LINGO2: variants seen among roughly 807,000 people sequenced by gnomAD.
The protein encoded by LINGO2 is leucine-rich repeat and immunoglobulin-like domain-containing nogo receptor-interacting protein 2.
LINGO2 carries 14 observed loss-of-function variants against 30.6 expected under a neutral mutation model. The observed-to-expected ratio is 0.46, with a 90% CI of 0.30 to 0.72. The LOEUF (loss-of-function observed/expected upper bound fraction) is 0.72, where lower values mean the gene tolerates loss of function less well. Ranked by LOEUF, LINGO2 falls within the 30% of genes least tolerant of loss-of-function variation. The pLI is 0.07. For synonymous variants in LINGO2, 317 were observed against 288.5 expected (o/e 1.10, Z -1.00); for missense variants, 729 against 751.7 (o/e 0.97, Z 0.35).
intron 4 of LINGO2, among the ~76,000 whole-genome samples, chr9:28,152,200 T>G (rs1293385698): frequency 6.6e-6 from 1 of 152,130 alleles, no homozygotes; most frequent in Non-Finnish European, 1.5e-5. Flanking sequence ...ATTAATAGAT[T>G]CATGCCCTCT....
the LINGO2 span, among the ~76,000 whole-genome samples, chr9:29,073,001 GCA>G: frequency 6.8e-6 from 1 of 146,950 alleles, no homozygotes; most frequent in African/African-American, 2.5e-5. Flanking sequence ...TCTCCCATGG[GCA>G]CACACACACC....
intron 3 of LINGO2, among the ~76,000 whole-genome samples, chr9:28,367,590 T>C (rs1435909952): frequency 2.0e-5 from 3 of 152,142 alleles, no homozygotes; most frequent in African/African-American, 7.2e-5. Context: ...GCTTTCAGGA[T>C]TGATACTGAG....
intron 1 of LINGO2, among the ~76,000 whole-genome samples, chr9:28,642,421 A>G (rs1827635725): frequency 6.6e-6 from 1 of 152,162 alleles, no homozygotes; most frequent in South Asian, 2.1e-4. Context: ...TTCGAGGATC[A>G]AAAATAGCAA....
At chr9:28,436,823 T>C (rs1823962568) in intron 2 of LINGO2, among the ~76,000 whole-genome samples, 1 of 152,054 alleles carries the variant, frequency 6.6e-6, no homozygotes, top group Non-Finnish European at 1.5e-5. Context: ...CAGTACTGCA[T>C]GGTAGCAAGA....
At chr9:27,967,957 CAT>C (rs1394305471) in intron 5 of LINGO2, among the ~76,000 whole-genome samples, 2 of 152,118 alleles carry the variant, frequency 1.3e-5, no homozygotes, top group African/African-American at 4.8e-5. Context: ...ACTGTAATAA[CAT>C]ATTTTTTGCC....
At chr9:28,628,568 G>T (rs533337224) in intron 1 of LINGO2, among the ~76,000 whole-genome samples, 1 of 152,068 alleles carries the variant, frequency 6.6e-6, no homozygotes, top group East Asian at 1.9e-4. Flanking sequence ...TTTTATTTTG[G>T]GGGCAAGAGG....
the LINGO2 span, among the ~76,000 whole-genome samples, chr9:28,891,588 T>G: frequency 3.3e-5 from 5 of 151,916 alleles, no homozygotes; most frequent in African/African-American, 1.2e-4. Flanking sequence ...GGGGTGAGTA[T>G]AGATGCTATT....
rs552698442 is a variant in LINGO2, at chr9:28,581,455, T to A, written c.-365+88745A>T. Among the ~76,000 whole-genome samples, 12 of 151,630 alleles carry A rather than the reference T, an allele frequency of 7.9e-5. No homozygotes were observed. In the South Asian group the frequency reaches 2.1e-3, roughly 26 times the overall value. On this transcript the variant is annotated intron_variant, in intron 1 of 5. Coordinates refer to ENST00000379992, the Ensembl canonical transcript of LINGO2. ...ATCCACTATGATGATTTGATTTTTT[T>A]AAAAAGGAAAATCCAAAGGTCTAAA...
chr9:28,003,404 G>GT (rs1822081697), intron 5 of LINGO2, among the ~76,000 whole-genome samples: 1 of 152,016 alleles, frequency 6.6e-6, no homozygotes, highest in Non-Finnish European at 1.5e-5. Flanking sequence ...GAGAGAGTTA[G>GT]AGAGTTCACA....
At chr9:28,527,858 G>C (rs1821091499) in intron 1 of LINGO2, among the ~76,000 whole-genome samples, 1 of 152,098 alleles carries the variant, frequency 6.6e-6, no homozygotes, top group African/African-American at 2.4e-5. Context: ...GACTAAATCT[G>C]TTGTCGATTA....
chr9:28,485,318 A>C (rs1456929337), intron 1 of LINGO2, among the ~76,000 whole-genome samples: 1 of 152,136 alleles, frequency 6.6e-6, no homozygotes, highest in Non-Finnish European at 1.5e-5. Context: ...AGCACAGTGC[A>C]TGGCACTCCG....
chr9:28,722,085 G>C, the LINGO2 span, among the ~76,000 whole-genome samples: 9 of 151,996 alleles, frequency 5.9e-5, no homozygotes, highest in East Asian at 1.7e-3. Flanking sequence ...TAATAGGAGG[G>C]TACCAATAAA....
the LINGO2 span, among the ~76,000 whole-genome samples, chr9:28,862,518 C>A: frequency 6.6e-6 from 1 of 151,910 alleles, no homozygotes; most frequent in African/African-American, 2.4e-5. Context: ...AATTAGTATG[C>A]TAATTTATTT....
chr9:28,858,015 G>A, the LINGO2 span, among the ~76,000 whole-genome samples: 1 of 151,762 alleles, frequency 6.6e-6, no homozygotes, highest in Non-Finnish European at 1.5e-5. Flanking sequence ...TGGATTCTTA[G>A]CATTGGATAA....
intron 4 of LINGO2, among the ~76,000 whole-genome samples, chr9:28,250,788 C>T (rs954148414): frequency 6.6e-6 from 1 of 152,152 alleles, no homozygotes; most frequent in African/African-American, 2.4e-5. Context: ...TAATACGGCA[C>T]GCTTCCCACT....
the LINGO2 span, among the ~76,000 whole-genome samples, chr9:29,102,354 T>A: frequency 3.9e-5 from 6 of 152,212 alleles, no homozygotes; most frequent in Admixed American, 6.5e-5. Flanking sequence ...GAGCTGGGAT[T>A]ACAGGCGTGA....
chr9:28,975,126 G>A, the LINGO2 span, among the ~76,000 whole-genome samples: 2 of 152,178 alleles, frequency 1.3e-5, no homozygotes, highest in African/African-American at 4.8e-5. Context: ...ATCACACCAA[G>A]GTGCAAGATA....
chr9:28,125,552 A>T (rs1827212590), intron 4 of LINGO2, among the ~76,000 whole-genome samples: 1 of 152,164 alleles, frequency 6.6e-6, no homozygotes, highest in Non-Finnish European at 1.5e-5. Context: ...CTGCAGCCAA[A>T]TTAGACCCAA....
At chr9:28,405,437 G>T (rs1003750875) in intron 2 of LINGO2, among the ~76,000 whole-genome samples, 6 of 152,032 alleles carry the variant, frequency 3.9e-5, no homozygotes, top group Admixed American at 2.0e-4. Context: ...CTAGTTAGAG[G>T]TCTTACTGTC....
Sources: allele counts gnomAD v4.1 joint callset (sites outside exome capture counted in the v4.1 genomes callset), GRCh38; gene constraint gnomAD v4.1.1; transcripts MANE v1.5; gene names NCBI Gene and HGNC (gene_info 2026-07-23, HGNC 2026-07-21).